The following PEX5L variants were observed in gnomAD, a reference collection of about 807,000 sequenced individuals.
The protein encoded by PEX5L is PEX5-related protein.
A neutral mutation model predicts 84.0 loss-of-function variants in PEX5L; 30 were observed. The ratio of observed to expected loss-of-function variants is 0.36; its 90% CI spans 0.27 to 0.48. PEX5L has a LOEUF of 0.48. PEX5L is among the 20% of genes least tolerant of loss of function. The probability of loss-of-function intolerance (pLI) is 0.99; values close to 1 mark genes in which losing one functional copy is unlikely to be tolerated. For missense variants in PEX5L, 533 were observed against 754.6 expected (o/e 0.71, Z 3.44); for synonymous variants, 270 against 283.1 (o/e 0.95, Z 0.46).
chr3:179,916,396 G>A (rs1253764194), intron 2 of PEX5L, among the ~76,000 whole-genome samples: 1 of 152,034 alleles, frequency 6.6e-6, no homozygotes, highest in Non-Finnish European at 1.5e-5. Flanking sequence ...ATATCTAAAT[G>A]TAGAAAATGT....
At chr3:179,988,154 C>T (rs1184873450) in intron 1 of PEX5L, among the ~76,000 whole-genome samples, 2 of 152,078 alleles carry the variant, frequency 1.3e-5, no homozygotes, top group African/African-American at 2.4e-5. Flanking sequence ...AATCCCAGCA[C>T]TTTAGGAGGC....
chr3:179,977,661 C>T (rs1177173147), intron 1 of PEX5L, among the ~76,000 whole-genome samples: 1 of 152,106 alleles, frequency 6.6e-6, no homozygotes, highest in Non-Finnish European at 1.5e-5. Flanking sequence ...GACGTAAGCT[C>T]AAATAGACCT....
intron 2 of PEX5L, among the ~76,000 whole-genome samples, chr3:179,970,883 A>G (rs2031044): frequency 0.25 from 38,030 of 152,042 alleles, 5,148 homozygotes; most frequent in East Asian, 0.52. Flanking sequence ...GCATTAAATA[A>G]ATGTGCAGTT....
At chr3:179,809,437 T>C in intron 12 of PEX5L, 34 bp downstream of exon 12, 1 of 1,531,256 alleles carries the variant, frequency 6.5e-7, no homozygotes, top group South Asian at 1.1e-5. Context: ...TATATGGGTG[T>C]TTACTGCCAG....
intron 1 of PEX5L, 52 bp downstream of exon 1, chr3:180,036,527 G>C (rs1220739558): frequency 1.7e-5 from 26 of 1,564,118 alleles, no homozygotes; most frequent in Admixed American, 1.2e-4. Flanking sequence ...GAACCGCCTT[G>C]CTCTTAAATT....
intron 2 of PEX5L, among the ~76,000 whole-genome samples, chr3:179,922,838 C>A (rs951588156): frequency 6.6e-6 from 1 of 152,102 alleles, no homozygotes; most frequent in Non-Finnish European, 1.5e-5. Context: ...GAATGTTATT[C>A]AACTAATTTA....
chr3:179,823,732 A>C (rs895650554), intron 8 of PEX5L, among the ~76,000 whole-genome samples: 5 of 152,198 alleles, frequency 3.3e-5, no homozygotes, highest in Non-Finnish European at 7.3e-5. Context: ...AAGAAGAAAG[A>C]TGTGTGCTTG....
chr3:179,921,199 A>G (rs1769254965), intron 2 of PEX5L, among the ~76,000 whole-genome samples: 1 of 152,138 alleles, frequency 6.6e-6, no homozygotes, highest in South Asian at 2.1e-4. Flanking sequence ...GGGATTTTTT[A>G]GGACTCTAGT....
chr3:179,825,185 A>G (rs1407652676), intron 8 of PEX5L, among the ~76,000 whole-genome samples: 1 of 152,224 alleles, frequency 6.6e-6, no homozygotes, highest in Non-Finnish European at 1.5e-5. Flanking sequence ...ACCTGCTAAC[A>G]CAATCATCAG....
intron 10 of PEX5L, among the ~76,000 whole-genome samples, chr3:179,815,354 G>A (rs1482277099): frequency 6.6e-6 from 1 of 152,222 alleles, no homozygotes; most frequent in Non-Finnish European, 1.5e-5. Context: ...GGAGGCCAAG[G>A]CCGGTGGATC....
intron 5 of PEX5L, 40 bp downstream of exon 5, chr3:179,879,889 A>G (rs201578990): frequency 7.1e-7 from 1 of 1,402,266 alleles, no homozygotes; most frequent in East Asian, 2.3e-5. Flanking sequence ...ACATCAGCAG[A>G]GCAAGGTTGA....
intron 2 of PEX5L, among the ~76,000 whole-genome samples, chr3:179,969,467 C>T (rs1784203062): frequency 6.6e-6 from 1 of 151,922 alleles, no homozygotes; most frequent in Non-Finnish European, 1.5e-5. Flanking sequence ...CATATACATA[C>T]ACACATGCTT....
At chr3:179,899,847 T>G (rs34712020) in intron 2 of PEX5L, among the ~76,000 whole-genome samples, 1 of 152,080 alleles carries the variant, frequency 6.6e-6, no homozygotes, top group Non-Finnish European at 1.5e-5. Flanking sequence ...ATGTCAGTAG[T>G]AATTTTCATA....
At position 179,916,714 on chromosome 3, in the gene PEX5L, GGCTGGA is replaced by G. The variant is rs1420552788; in HGVS notation, c.94-18474_94-18469del. Among the ~76,000 whole-genome samples, 4 of 152,124 alleles carry G rather than the reference GGCTGGA, an allele frequency of 2.6e-5. No homozygotes were observed. The South Asian group carries it at 8.3e-4, about 32-fold the overall frequency. On this transcript the variant is annotated intron_variant, in intron 2 of 14. Coordinates refer to ENST00000467460, the MANE Select transcript of PEX5L (RefSeq NM_016559.3). Reference sequence around the variant, plus strand: ...AGACAGCGTCTCGTTTTGTCACTGAGGCTGGAGTGCAGTGACATGATCTCGGCTCAC... The same window carrying G: ...AGACAGCGTCTCGTTTTGTCACTGAGGTGCAGTGACATGATCTCGGCTCAC...
At chr3:179,993,042 C>G (rs1787533284) in intron 1 of PEX5L, among the ~76,000 whole-genome samples, 1 of 151,876 alleles carries the variant, frequency 6.6e-6, no homozygotes, top group South Asian at 2.1e-4. Flanking sequence ...AAACTCCCCC[C>G]CGTTATTACA....
intron 11 of PEX5L, 56 bp from the exon 12 acceptor site, chr3:179,809,724 T>G: frequency 7.4e-7 from 1 of 1,345,802 alleles, no homozygotes; most frequent in East Asian, 2.3e-5. Flanking sequence ...AATCTAACAG[T>G]TCTTCAGAAA....
intron 1 of PEX5L, among the ~76,000 whole-genome samples, chr3:180,033,284 G>A (rs1421809944): frequency 1.3e-5 from 2 of 152,208 alleles, no homozygotes; most frequent in Non-Finnish European, 2.9e-5. Context: ...GGTGTGGAAT[G>A]ATTCCCCAGA....
chr3:179,850,281 C>T (rs1410554371), intron 8 of PEX5L, among the ~76,000 whole-genome samples: 1 of 152,070 alleles, frequency 6.6e-6, no homozygotes, highest in Non-Finnish European at 1.5e-5. Flanking sequence ...CATGCACCAT[C>T]ATGCCTGGCT....
At chr3:179,942,017 C>CAAAAAAAAAAAAAAAAA (rs11447396) in intron 2 of PEX5L, among the ~76,000 whole-genome samples, 1 of 89,266 alleles carries the variant, frequency 1.1e-5, no homozygotes, top group Non-Finnish European at 2.0e-5. Context: ...TGAGACTCCT[C>CAAAAAAAAAAAAAAAAA]AAAAAAAAAA....
Sources: gnomAD v4.1 joint callset for allele counts (sites outside exome capture counted in the v4.1 genomes callset) on GRCh38, gnomAD v4.1.1 for gene constraint, MANE v1.5 for transcripts, NCBI Gene and HGNC (gene_info 2026-07-23, HGNC 2026-07-21) for gene names.